DNAJC15: variants seen among roughly 807,000 people sequenced by gnomAD.
The protein encoded by DNAJC15 is dnaJ homolog subfamily C member 15.
DNAJC15 carries 27 observed loss-of-function variants against 22.4 expected under a neutral mutation model. The observed-to-expected ratio is 1.20, with a 90% CI of 0.89 to 1.66. The LOEUF (loss-of-function observed/expected upper bound fraction) is 1.66. Ranked by LOEUF, DNAJC15 falls within the 40% of genes most tolerant of loss-of-function variation. DNAJC15 has a pLI of 0.00. For synonymous variants in DNAJC15, 79 were observed against 63.2 expected, an observed-to-expected ratio of 1.25 and a Z score of -1.19; for missense variants, 208 against 187.1, an observed-to-expected ratio of 1.11 and a Z score of -0.65.
chr13:43,094,415 A>C (rs1183464506), intron 5 of DNAJC15, among the ~76,000 whole-genome samples: 1 of 152,202 alleles, frequency 6.6e-6, no homozygotes. Flanking sequence ...GGGGCCCAGC[A>C]TTTTGTGTGT....
chr13:43,075,984 C>G (rs927595190), intron 3 of DNAJC15, among the ~76,000 whole-genome samples: 13 of 151,916 alleles, frequency 8.6e-5, no homozygotes, highest in Non-Finnish European at 1.5e-5. Flanking sequence ...CCATTTGTAT[C>G]TGTATCTGTA....
intron 1 of DNAJC15, among the ~76,000 whole-genome samples, chr13:43,049,672 T>C (rs1283791305): frequency 6.6e-6 from 1 of 152,220 alleles, no homozygotes. Flanking sequence ...TAGACTTAGA[T>C]TGACTCCCTT....
At chr13:43,100,571 TGTCCCATAA>T (rs2040763592) in intron 5 of DNAJC15, among the ~76,000 whole-genome samples, 3 of 152,180 alleles carry the variant, frequency 2.0e-5, no homozygotes, top group African/African-American at 7.2e-5. Flanking sequence ...GCTATCGCTG[TGTCCCATAA>T]GCTGTGGGTG....
At chr13:43,106,538 A>T (rs560763956) in intron 5 of DNAJC15, among the ~76,000 whole-genome samples, 71 of 152,244 alleles carry the variant, frequency 4.7e-4, no homozygotes, top group African/African-American at 1.6e-3. Flanking sequence ...CCAAAACTAC[A>T]CTCTGTAAAT....
At chr13:43,025,550 T>C (rs2040376793) in intron 1 of DNAJC15, among the ~76,000 whole-genome samples, 1 of 152,216 alleles carries the variant, frequency 6.6e-6, no homozygotes, top group Admixed American at 6.5e-5. Flanking sequence ...TAAACATAAC[T>C]TTTAATAATC....
intron 1 of DNAJC15, among the ~76,000 whole-genome samples, chr13:43,057,340 G>A (rs991898396): frequency 6.6e-6 from 1 of 152,034 alleles, no homozygotes; most frequent in African/African-American, 2.4e-5. Context: ...GGGTCAGTTT[G>A]AAAGCCTTGT....
At chr13:43,078,362 T>C (rs573137186) in intron 3 of DNAJC15, among the ~76,000 whole-genome samples, 86 of 152,364 alleles carry the variant, frequency 5.6e-4, no homozygotes, top group African/African-American at 2.0e-3. Flanking sequence ...GTCTGTTTTG[T>C]TCTTTCTGTT....
chr13:43,100,483 G>A (rs1358466108), intron 5 of DNAJC15, among the ~76,000 whole-genome samples: 1 of 152,018 alleles, frequency 6.6e-6, no homozygotes, highest in Admixed American at 6.6e-5. Context: ...AAAGTGCTGG[G>A]ATTACAAGTG....
intron 3 of DNAJC15, 60 bp downstream of exon 3, chr13:43,069,063 T>A: frequency 2.0e-6 from 3 of 1,465,906 alleles, no homozygotes; most frequent in Non-Finnish European, 2.8e-6. Flanking sequence ...TATGACATAT[T>A]TCAATTAACT....
intron 5 of DNAJC15, among the ~76,000 whole-genome samples, chr13:43,087,872 G>C (rs1234780712): frequency 6.6e-6 from 1 of 152,208 alleles, no homozygotes; most frequent in Non-Finnish European, 1.5e-5. Context: ...GCATTCAGAC[G>C]TATTTTGGTA....
At chr13:43,054,480 A>T (rs568216802) in intron 1 of DNAJC15, among the ~76,000 whole-genome samples, 3 of 152,128 alleles carry the variant, frequency 2.0e-5, no homozygotes, top group Non-Finnish European at 4.4e-5. Context: ...TAGGATTGGT[A>T]CTAGTTCTGT....
intron 1 of DNAJC15, among the ~76,000 whole-genome samples, chr13:43,049,126 T>G (rs1245002965): frequency 6.6e-6 from 1 of 152,212 alleles, no homozygotes; most frequent in Non-Finnish European, 1.5e-5. Flanking sequence ...TATCCCAATT[T>G]TTCCTAAGTC....
chr13:43,025,952 A>G (rs1371049732), intron 1 of DNAJC15, among the ~76,000 whole-genome samples: 1 of 152,252 alleles, frequency 6.6e-6, no homozygotes, highest in Non-Finnish European at 1.5e-5. Flanking sequence ...AAATATGTAA[A>G]TACTTAGACA....
chr13:43,068,867 T>C, intron 2 of DNAJC15, 63 bp from the exon 3 acceptor site: 2 of 1,378,500 alleles, frequency 1.5e-6, no homozygotes, highest in South Asian at 1.3e-5. Flanking sequence ...GCAAGCACTT[T>C]GAAGGTGTTG....
At chr13:43,081,612 G>A (rs1408323402) in intron 4 of DNAJC15, among the ~76,000 whole-genome samples, 1 of 151,750 alleles carries the variant, frequency 6.6e-6, no homozygotes, top group East Asian at 1.9e-4. Context: ...CTAATTTTTT[G>A]TATTTTTAGT....
Position 43,068,828 on chromosome 13 carries a change from A to G in DNAJC15, c.161-102A>G, listed in dbSNP as rs577656760. On this transcript the variant is annotated intron_variant, in intron 2 of 5. Coordinates refer to ENST00000379221, the MANE Select transcript of DNAJC15 (RefSeq NM_013238.3). ...AAGTTTTGAAATACTTATTGCAATAACATATATAAACTATCAATAAATACT... is the reference window on the plus strand; with the variant it reads ...AAGTTTTGAAATACTTATTGCAATAGCATATATAAACTATCAATAAATACT... 410 of 904,698 alleles carry G rather than the reference A, an allele frequency of 4.5e-4. 1 individual carries two copies. The African/African-American group carries it at 6.1e-3, about 13-fold the overall frequency. The allele number at this position is 904,698 out of a possible 1,614,324, so 56.0% of individuals were successfully genotyped here. A position where few individuals can be genotyped will look rare whatever the true frequency, so the allele number is the denominator to read the frequency against.
At chr13:43,023,795 C>CTTGAACCTTTGTA (rs2040364405) in intron 1 of DNAJC15, 61 bp downstream of exon 1, 1 of 1,432,588 alleles carries the variant, frequency 7.0e-7, no homozygotes, top group African/African-American at 1.4e-5. Flanking sequence ...GCTTCAGCCC[C>CTTGAACCTTTGTA]CTCTACCGCC....
chr13:43,051,812 T>A (rs2040505735), intron 1 of DNAJC15, among the ~76,000 whole-genome samples: 1 of 152,098 alleles, frequency 6.6e-6, no homozygotes, highest in African/African-American at 2.4e-5. Flanking sequence ...TACCCAAGAG[T>A]GGGATTGCTG....
intron 1 of DNAJC15, among the ~76,000 whole-genome samples, chr13:43,049,521 G>A (rs1435291976): frequency 6.6e-6 from 1 of 152,116 alleles, no homozygotes; most frequent in Non-Finnish European, 1.5e-5. Flanking sequence ...ACATGTTAAT[G>A]GAATTATCTG....
Sources: allele counts gnomAD v4.1 joint callset (sites outside exome capture counted in the v4.1 genomes callset), GRCh38; gene constraint gnomAD v4.1.1; transcripts MANE v1.5; gene names NCBI Gene and HGNC (gene_info 2026-07-23, HGNC 2026-07-21).